The following CASP8 variants were observed in gnomAD, a reference collection of about 807,000 sequenced individuals.
CASP8 encodes the protein caspase 8, also known as caspase-8.
CASP8 carries 24 observed loss-of-function variants against 46.3 expected under a neutral mutation model. The ratio of observed to expected loss-of-function variants is 0.52; its 90% confidence interval spans 0.38 to 0.73. The LOEUF (loss-of-function observed/expected upper bound fraction) is 0.73. Among genes scored for constraint, CASP8 ranks in the 30% least tolerant of loss-of-function variants. CASP8 has a pLI of 0.00. For missense variants in CASP8, 460 were observed against 559.0 expected (o/e 0.82, Z 1.79); for synonymous variants, 188 against 200.4 (o/e 0.94, Z 0.52).
chr2:201,245,651 C>A (rs1946480086), intron 2 of CASP8, among the ~76,000 whole-genome samples: 1 of 152,176 alleles, frequency 6.6e-6, no homozygotes, highest in Non-Finnish European at 1.5e-5. Flanking sequence ...CAGGGGACCA[C>A]CAGTGTAGCC....
chr2:201,269,719 T>C (rs1217813610), intron 2 of CASP8: 3 of 739,164 alleles, frequency 4.1e-6, no homozygotes, highest in African/African-American at 1.7e-5. Context: ...CTAATAAATA[T>C]GCTAGGGTGA....
intron 6 of CASP8, among the ~76,000 whole-genome samples, chr2:201,276,277 C>T (rs1372820636): frequency 6.6e-6 from 1 of 152,214 alleles, no homozygotes; most frequent in Non-Finnish European, 1.5e-5. Context: ...CCAGCAGCCA[C>T]CGTGGTCCTG....
At chr2:201,234,782 G>A (rs1164843504) in intron 2 of CASP8, among the ~76,000 whole-genome samples, 1 of 151,938 alleles carries the variant, frequency 6.6e-6, no homozygotes, top group Non-Finnish European at 1.5e-5. Flanking sequence ...TAGATAATAT[G>A]ACCACATTAT....
intron 8 of CASP8, among the ~76,000 whole-genome samples, chr2:201,286,164 T>C (rs1010737467): frequency 3.3e-5 from 5 of 152,136 alleles, no homozygotes; most frequent in Non-Finnish European, 1.5e-5. Flanking sequence ...CCAAGTAACG[T>C]GGAGAAGAGT....
Position 201,266,687 on chromosome 2 carries a change from C to T in CASP8, c.201C>T (p.Phe67=). ...SNLSFLKELL[F]RINRLDLLIT... ...TGTCCTTCCTGAAGGAGCTGCTCTT[C>T]CGAATTAATAGACTGGATTTGCTGA... Residue 67 remains phenylalanine (F), a synonymous_variant, in exon 2 of 9, where the codon TTC becomes TTT. Coordinates refer to ENST00000673742, the MANE Select transcript of CASP8 (RefSeq NM_001372051.1). The surrounding 1 kb of genome is among the most constrained non-coding windows in gnomAD (Gnocchi z 5.7). 6.2e-7 allele frequency: 1 copy of T among 1,614,030 alleles called. No homozygotes were observed. The highest frequency in any genetic ancestry group is 8.5e-7 in the Non-Finnish European group (1 of 1,179,956).
chr2:201,276,880 C>T lies in CASP8; in HGVS notation c.714C>T (p.Ile238=), dbSNP rs759637586. ...MKSKPRGYCL[I]INNHNFAKAR... is the part of the protein sequence containing the mutation. ...GCAAACCTCGGGGATACTGTCTGAT[C>T]ATCAACAATCACAATTTTGCAAAAG... Residue 238 remains isoleucine, a synonymous_variant, in exon 7 of 9, where the codon ATC becomes ATT. Coordinates refer to ENST00000673742, the MANE Select transcript of CASP8 (RefSeq NM_001372051.1). 1 of 1,613,964 alleles carries T rather than the reference C, an allele frequency of 6.2e-7. No individual in the cohort carries two copies. The highest frequency in any genetic ancestry group is 8.5e-7 in the Non-Finnish European group (1 of 1,179,844).
intron 5 of CASP8, among the ~76,000 whole-genome samples, chr2:201,274,322 A>G (rs2125283465): frequency 6.6e-6 from 1 of 152,330 alleles, no homozygotes; most frequent in African/African-American, 2.4e-5. Flanking sequence ...CATGTGGAGC[A>G]ATATAAAATT....
At chr2:201,270,659 A>G (rs1293320885) in intron 2 of CASP8, among the ~76,000 whole-genome samples, 1 of 152,142 alleles carries the variant, frequency 6.6e-6, no homozygotes, top group East Asian at 1.9e-4. Context: ...CTTCTGGAGT[A>G]GCTGGGACCA....
chr2:201,258,704 A>G (rs1468889499), upstream of CASP8, among the ~76,000 whole-genome samples: 2 of 152,004 alleles, frequency 1.3e-5, no homozygotes, highest in Non-Finnish European at 1.5e-5. Flanking sequence ...GACTTTATCA[A>G]TCCACTTTTT....
At chr2:201,250,879 T>C (rs35282498) in intron 2 of CASP8, among the ~76,000 whole-genome samples, 7,483 of 152,274 alleles carry the variant, frequency 0.049, 255 homozygotes, top group African/African-American at 0.088. Flanking sequence ...GTTACAATAT[T>C]GTACAGAATA....
At chr2:201,260,855 A>G (rs1159718334) in intron 1 of CASP8, among the ~76,000 whole-genome samples, 2 of 152,204 alleles carry the variant, frequency 1.3e-5, no homozygotes, top group Non-Finnish European at 2.9e-5. Flanking sequence ...TAGACTGATG[A>G]AGTCCTAGGA....
intron 2 of CASP8, among the ~76,000 whole-genome samples, chr2:201,251,280 T>C (rs967782044): frequency 6.6e-6 from 1 of 152,140 alleles, no homozygotes; most frequent in Non-Finnish European, 1.5e-5. Context: ...TCTAGAAACG[T>C]GATTGCTGGA....
At chr2:201,238,974 G>C (rs534196031) in intron 2 of CASP8, among the ~76,000 whole-genome samples, 2,803 of 143,968 alleles carry the variant, frequency 0.019, 85 homozygotes, top group African/African-American at 0.065. Flanking sequence ...TGACTCTTAA[G>C]GAGCATGCTG....
chr2:201,271,956 T>C (rs1422183375), intron 3 of CASP8, among the ~76,000 whole-genome samples: 1 of 152,150 alleles, frequency 6.6e-6, no homozygotes, highest in Admixed American at 6.6e-5. Context: ...CCTGAAACTC[T>C]GTGTGTATAT....
chr2:201,266,796 G>A lies in CASP8; in HGVS notation c.305+5G>A. 1 of 1,609,408 alleles carries A rather than the reference G, an allele frequency of 6.2e-7. No homozygotes were observed. Among genetic ancestry groups the A allele is most frequent in the Middle Eastern group, 1.7e-4 (1 of 6,040 alleles). On this transcript the variant is annotated splice_donor_5th_base_variant and intron_variant, in intron 2 of 8. Transcript: ENST00000673742. The surrounding 1 kb of genome is among the most constrained non-coding windows in gnomAD (Gnocchi z 5.7). ...GGCTCAAATTTCTGCCTACAGGTGG[G>A]TGGAAACTCCCATTGTGGGACTGGG...
chr2:201,249,191 G>C (rs1946664608), intron 2 of CASP8, among the ~76,000 whole-genome samples: 1 of 152,112 alleles, frequency 6.6e-6, no homozygotes, highest in Non-Finnish European at 1.5e-5. Context: ...CCACGCCCTG[G>C]TCAATTGCTT....
intron 6 of CASP8, among the ~76,000 whole-genome samples, chr2:201,275,836 A>AAAG (rs1175834444): frequency 1.3e-5 from 2 of 152,114 alleles, no homozygotes; most frequent in Non-Finnish European, 2.9e-5. Context: ...TTGGCCTCCC[A>AAAG]AAGTCTGGGA....
intron 1 of CASP8, among the ~76,000 whole-genome samples, chr2:201,264,310 T>G (rs927873176): frequency 6.6e-6 from 1 of 152,226 alleles, no homozygotes; most frequent in African/African-American, 2.4e-5. Context: ...TCTTGGAAGT[T>G]AAATTGTGGG....
chr2:201,287,269 A>G lies in CASP8; in HGVS notation c.*675A>G, dbSNP rs368491883. The stretch of plus-strand genomic sequence containing the variant: ...AGAAAGTAGCCACGTATGGTGGCTC[A>G]TGTCTATAATCCCAGCACTTTGGGA... On this transcript the variant is annotated 3_prime_UTR_variant, in exon 9 of 9. Transcript: ENST00000673742. 5 of 153,388 alleles carry G rather than the reference A, an allele frequency of 3.3e-5. No homozygotes were observed. Among genetic ancestry groups the G allele is most frequent in the African/African-American group, 1.2e-4 (5 of 41,566 alleles). 9.5% of individuals were successfully genotyped at this position (153,388 alleles called of 1,614,324 possible).
Sources: allele counts gnomAD v4.1 joint callset (sites outside exome capture counted in the v4.1 genomes callset), GRCh38; gene constraint gnomAD v4.1.1; non-coding constraint Gnocchi (gnomAD v3.1); transcripts MANE v1.5; gene names NCBI Gene and HGNC (gene_info 2026-07-23, HGNC 2026-07-21).